The following SPRR1A variants were observed in gnomAD, a reference collection of about 807,000 sequenced individuals.
SPRR1A encodes small proline rich protein 1A.
For synonymous variants in SPRR1A, 40 were observed against 39.2 expected, an observed-to-expected ratio of 1.02 and a Z score of -0.07; for missense variants, 123 against 105.4, an observed-to-expected ratio of 1.17 and a Z score of -0.73.
chr1:152,985,153 C>T (rs1652267040), upstream of SPRR1A: 81 of 1,521,500 alleles, frequency 5.3e-5, no homozygotes, highest in South Asian at 9.9e-4. Context: ...ATCTGTTTGG[C>T]ATTGAATTTG....
chr1:152,985,315 C>T (rs1332803830), exon 1 of SPRR1A: 1 of 1,613,812 alleles, frequency 6.2e-7, no homozygotes, highest in Admixed American at 1.7e-5. Context: ...CCAGCCTCCA[C>T]CCCAGGAACC....
In SPRR1A at chr1:152,985,360, A is replaced by T. The variant is rs1353728975; in HGVS notation, c.130A>T (p.Lys44Ter). ...CAAAACCAAGGAGCCCTGCCACCCC[A>T]AGGTGCCTGAGCCCTGCCACCCCAA... The change falls in exon 1 of 1, where the codon AAG (lysine) becomes TAG (stop). Residue 44 changes from lysine to a stop codon, truncating the protein, a stop_gained. Transcript: ENST00000368762. LOFTEE classifies it low-confidence loss of function (END_TRUNC). The T allele has an allele frequency of 3.1e-6, 5 of 1,587,400 alleles. No individual in the cohort carries two copies. Among genetic ancestry groups the T allele is most frequent in the Non-Finnish European group, 4.3e-6 (5 of 1,166,778 alleles).
At chr1:152,984,783 A>G (rs1030818167), upstream of SPRR1A, among the ~76,000 whole-genome samples, 9 of 152,102 alleles carry the variant, frequency 5.9e-5, no homozygotes, top group Non-Finnish European at 1.2e-4. Context: ...GTAAGCACAG[A>G]CCAGAAGCAA....
At chr1:152,985,207 T>C (rs1396115163), upstream of SPRR1A, 2 of 1,572,182 alleles carry the variant, frequency 1.3e-6, no homozygotes, top group African/African-American at 2.7e-5. Context: ...GCTTTCTGTC[T>C]CTAGAAAAAA....
upstream of SPRR1A, among the ~76,000 whole-genome samples, chr1:152,984,550 C>T (rs764083936): frequency 1.3e-5 from 2 of 152,090 alleles, no homozygotes; most frequent in Non-Finnish European, 2.9e-5. Context: ...AACGTACTTA[C>T]TTAACAAACA....
chr1:152,985,142 A>T, upstream of SPRR1A: 1 of 1,509,926 alleles, frequency 6.6e-7, no homozygotes, highest in Non-Finnish European at 8.9e-7. Flanking sequence ...CCTGAAATAA[A>T]ATCTGTTTGG....
chr1:152,985,300 C>G (rs145057926), exon 1 of SPRR1A: 5 of 1,613,888 alleles, frequency 3.1e-6, no homozygotes, highest in Non-Finnish European at 4.2e-6. Context: ...GGTGAAACAA[C>G]CTTGCCAGCC....
At chr1:152,985,682 G>A (rs534435602), downstream of SPRR1A, among the ~76,000 whole-genome samples, 6 of 152,322 alleles carry the variant, frequency 3.9e-5, no homozygotes, top group East Asian at 1.2e-3. Context: ...GGGCTCCTGA[G>A]CCTCTGCGTA....
At chr1:152,984,808 A>T (rs1271263195), upstream of SPRR1A, among the ~76,000 whole-genome samples, 1 of 152,176 alleles carries the variant, frequency 6.6e-6, no homozygotes, top group South Asian at 2.1e-4. Context: ...ATAGAGGCTT[A>T]GATGAATATA....
chr1:152,984,631 C>T (rs146875514), upstream of SPRR1A, among the ~76,000 whole-genome samples: 1 of 151,964 alleles, frequency 6.6e-6, no homozygotes, highest in Non-Finnish European at 1.5e-5. Flanking sequence ...ATTGGCATGA[C>T]GGAGATGGGC....
chr1:152,985,171 C>T (rs1652267430), upstream of SPRR1A: 1 of 1,534,902 alleles, frequency 6.5e-7, no homozygotes, highest in Non-Finnish European at 8.7e-7. Flanking sequence ...TTGTATCCAT[C>T]TTTCTTTAAT....
upstream of SPRR1A, among the ~76,000 whole-genome samples, chr1:152,984,805 C>T (rs1370643738): frequency 1.3e-5 from 2 of 152,000 alleles, no homozygotes; most frequent in African/African-American, 4.8e-5. Context: ...ACCATAGAGG[C>T]TTAGATGAAT....
In SPRR1A at chr1:152,985,421, C is replaced by T. The variant is rs1377042480; in HGVS notation, c.191C>T (p.Pro64Leu). ...CCCTGCCAGCCCAAGGTTCCAGAGC[C>T]CTGCCAGCCCAAGGTGCCTGAGCCC... is the stretch of plus-strand genomic sequence containing the variant. The change falls in exon 1 of 1, where the codon CCC (proline) becomes CTC (leucine). Residue 64 changes from proline (P) to leucine (L), a missense_variant. Physicochemically the swap from Pro to Leu is moderately conservative, Grantham distance 98 (BLOSUM62 -3). Transcript: ENST00000368762. The T allele has an allele frequency of 8.9e-6, 14 of 1,581,708 alleles. No individual in the cohort carries two copies. The highest frequency in any genetic ancestry group is 1.7e-4 in the Middle Eastern group (1 of 6,016).
upstream of SPRR1A, among the ~76,000 whole-genome samples, chr1:152,984,785 C>A (rs1161466731): frequency 6.6e-6 from 1 of 151,940 alleles, no homozygotes; most frequent in Non-Finnish European, 1.5e-5. Flanking sequence ...AAGCACAGAC[C>A]AGAAGCAAAA....
downstream of SPRR1A, chr1:152,985,647 A>T (rs569570961): frequency 3.6e-5 from 50 of 1,387,858 alleles, no homozygotes; most frequent in Middle Eastern, 5.6e-4. Flanking sequence ...ACCTCTAAAA[A>T]GATGTCCCTT....
chr1:152,985,702 G>A (rs902350965), downstream of SPRR1A, among the ~76,000 whole-genome samples: 1 of 152,198 alleles, frequency 6.6e-6, no homozygotes, highest in African/African-American at 2.4e-5. Flanking sequence ...AAGGCTGAAC[G>A]TCTCACTGAC....
upstream of SPRR1A, chr1:152,985,114 C>T (rs1652266122): frequency 7.1e-7 from 1 of 1,402,982 alleles, no homozygotes; most frequent in Non-Finnish European, 9.6e-7. Context: ...AGATGAAAGG[C>T]TTTCTCTTCT....
At chr1:152,985,497 G>T in exon 1 of SPRR1A, 1 of 1,612,400 alleles carries the variant, frequency 6.2e-7, no homozygotes, top group Non-Finnish European at 8.5e-7. Context: ...CCAAGCAGAA[G>T]TAATGTGGTC....
chr1:152,985,544 T>C, downstream of SPRR1A: 2 of 1,579,396 alleles, frequency 1.3e-6, no homozygotes, highest in Non-Finnish European at 1.7e-6. Context: ...CACTGGATAC[T>C]GAACACCCTA....
Sources: gnomAD v4.1 joint callset for allele counts (sites outside exome capture counted in the v4.1 genomes callset) on GRCh38, gnomAD v4.1.1 for gene constraint, MANE v1.5 for transcripts, NCBI Gene and HGNC (gene_info 2026-07-23, HGNC 2026-07-21) for gene names.